The following PET117 variants were observed in gnomAD, a reference collection of about 807,000 sequenced individuals.
The protein encoded by PET117 is PET117 cytochrome c oxidase chaperone, also known as protein PET117 homolog, mitochondrial.
PET117 carries 10 observed loss-of-function variants against 9.2 expected under a neutral mutation model. The observed-to-expected ratio is 1.09, with a 90% confidence interval of 0.67 to 1.85. The LOEUF (loss-of-function observed/expected upper bound fraction) is 1.85, where lower values mean the gene tolerates loss of function less well. PET117 is among the 40% of genes most tolerant of loss of function. PET117 has a pLI of 0.00. For missense variants in PET117, 96 were observed against 98.2 expected, an observed-to-expected ratio of 0.98 and a Z score of 0.09; for synonymous variants, 43 against 37.1, an observed-to-expected ratio of 1.16 and a Z score of -0.57.
intron 1 of PET117, 197 bp downstream of exon 1, chr20:18,138,248 G>A (rs897566551): frequency 4.0e-6 from 5 of 1,240,780 alleles, no homozygotes; most frequent in Non-Finnish European, 5.0e-6. Context: ...CTCCCGGCGG[G>A]CGTGTGCAGC....
In PET117 at chr20:18,142,665, A is replaced by G; in HGVS notation, c.*308A>G. ...CGAGCTTGTGAGAAGGAAGGGATGG[A>G]TAGTAGCATCCACCTGAGTAGTCTG... On this transcript the variant is annotated 3_prime_UTR_variant, in exon 2 of 2. Transcript: ENST00000432901. The G allele has an allele frequency of 6.2e-7, 1 of 1,614,142 alleles. No homozygotes were observed. The highest frequency in any genetic ancestry group is 8.5e-7 in the Non-Finnish European group (1 of 1,180,016).
At chr20:18,140,201 G>A (rs184037310) in intron 1 of PET117, among the ~76,000 whole-genome samples, 3 of 152,066 alleles carry the variant, frequency 2.0e-5, no homozygotes, top group Admixed American at 6.5e-5. Context: ...GTATCGGTGT[G>A]TCATGGTGTA....
intron 1 of PET117, among the ~76,000 whole-genome samples, chr20:18,141,177 G>A (rs1049210933): frequency 7.2e-5 from 11 of 151,736 alleles, no homozygotes; most frequent in Middle Eastern, 3.4e-3. Context: ...GAGCCACCAC[G>A]CCTGGCCTAA....
intron 1 of PET117, 39 bp downstream of exon 1, chr20:18,138,090 G>C: frequency 6.9e-7 from 1 of 1,438,964 alleles, no homozygotes; most frequent in Middle Eastern, 1.8e-4. Context: ...GCCCGCGCGC[G>C]CGGCGTCGAC....
rs745851347 is a variant in PET117 at position 18,139,476 on chromosome 20, A to C, written c.96+1425A>C. On this transcript the variant is annotated intron_variant, in intron 1 of 1. Coordinates refer to ENST00000432901, the MANE Select transcript of PET117 (RefSeq NM_001164811.2). ...ACAATGTGACTAAGGCTTGGTCCCC[A>C]CCCCAGACCATTTAAACCAGAATCT... 1.1e-3 allele frequency among the ~76,000 whole-genome samples: 170 copies of C among 152,102 alleles called. 1 individual carries two copies. The highest frequency in any genetic ancestry group is 2.1e-3 in the Non-Finnish European group (144 of 68,004).
chr20:18,138,098 G>T (rs1360952946), intron 1 of PET117, 47 bp downstream of exon 1: 2 of 1,429,810 alleles, frequency 1.4e-6, no homozygotes, highest in East Asian at 5.9e-5. Flanking sequence ...GCGCGGCGTC[G>T]ACCTGGGGCC....
rs556576481 is a variant in PET117, at chr20:18,141,854, C to T, written c.97-354C>T. ...AGCTGCGGAGTGCAGCCACTGCACT[C>T]CAGCCTGGGCGACAGAGCGAGACTC... On this transcript the variant is annotated intron_variant, in intron 1 of 1. Transcript: ENST00000432901. Among the ~76,000 whole-genome samples, 49 of 152,184 alleles carry T rather than the reference C, an allele frequency of 3.2e-4. 1 individual carries two copies. Among genetic ancestry groups the T allele is most frequent in the African/African-American group, 1.1e-3 (47 of 41,530 alleles).
rs1249724655 is a variant in PET117, at chr20:18,142,694, A to G, written c.*337A>G. The G allele has an allele frequency of 2.5e-6, 4 of 1,614,082 alleles. No individual in the cohort carries two copies. Among genetic ancestry groups the G allele is most frequent in the Non-Finnish European group, 2.5e-6 (3 of 1,180,044 alleles). ...TAGCATCCACCTGAGTAGTCTGATC[A>G]GTCGGCATGATGACGAAGCCACGAG... On this transcript the variant is annotated 3_prime_UTR_variant, in exon 2 of 2. Transcript: ENST00000432901.
Position 18,142,483 on chromosome 20 carries a change from GA to G in PET117, c.*127del. 2 of 1,457,482 alleles carry G rather than the reference GA, an allele frequency of 1.4e-6. No individual in the cohort carries two copies. Among genetic ancestry groups the G allele is most frequent in the African/African-American group, 1.4e-5 (1 of 70,324 alleles). The allele number at this position is 1,457,482 out of a possible 1,614,324, so 90.3% of individuals were successfully genotyped here. On this transcript the variant is annotated 3_prime_UTR_variant, in exon 2 of 2. Transcript: ENST00000432901. ...TCCTTTTAAACTTGATCAAATAAAG[GA>G]CAGTGGGTCATATAAGTTACTGCTT...
intron 1 of PET117, among the ~76,000 whole-genome samples, chr20:18,141,879 CTT>C (rs1432771207): frequency 6.6e-6 from 1 of 151,928 alleles, no homozygotes; most frequent in Non-Finnish European, 1.5e-5. Flanking sequence ...GAGCGAGACT[CTT>C]GTCTCAAAAA....
intron 1 of PET117, among the ~76,000 whole-genome samples, chr20:18,139,903 T>A (rs2037464229): frequency 6.6e-6 from 1 of 152,142 alleles, no homozygotes; most frequent in Non-Finnish European, 1.5e-5. Flanking sequence ...TAGCAAAAAT[T>A]AAGCAGTGCT....
Position 18,138,044 on chromosome 20 carries a change from A to G in PET117, c.89A>G (p.Asp30Gly). The G allele has an allele frequency of 6.7e-7, 1 of 1,486,334 alleles. No individual in the cohort carries two copies. Among genetic ancestry groups the G allele is most frequent in the Admixed American group, 2.3e-5 (1 of 43,380 alleles). 92.1% of individuals were successfully genotyped at this position (1,486,334 alleles called of 1,614,324 possible). The change falls in exon 1 of 2, where the codon GAC (aspartate) becomes GGC (glycine). Residue 30 changes from aspartate (D) to glycine (G), a missense_variant. Physicochemically the swap from Asp to Gly is moderately conservative, Grantham distance 94 (BLOSUM62 -1). Transcript: ENST00000432901. ...GGCGTACATGTGAAGCAGCAGTGGG[A>G]CCAGCAGGTCGGTGTCACGTGACCG... ...VAGVHVKQQW[D>G]QQRLRDGVIR...
Position 18,137,985 on chromosome 20 carries a change from C to T in PET117, c.30C>T (p.Gly10=). The change falls in exon 1 of 2, where the codon GGC becomes GGT. Residue 10 remains glycine (G), a synonymous_variant. Transcript: ENST00000432901. ...CTAGGAGCTCGAAGGTGGTGCTGGG[C>T]CTCTCGGTGCTGCTGACGGCGGCCA... MSRSSKVVL[G]LSVLLTAATV... 2 of 1,506,222 alleles carry T rather than the reference C, an allele frequency of 1.3e-6. No homozygotes were observed. Among genetic ancestry groups the T allele is most frequent in the Non-Finnish European group, 1.8e-6 (2 of 1,134,320 alleles). The allele number at this position is 1,506,222 out of a possible 1,614,324, so 93.3% of individuals were successfully genotyped here. A position where few individuals can be genotyped will look rare whatever the true frequency, so the allele number is the denominator to read the frequency against.
chr20:18,138,222 G>C (rs2037373287), intron 1 of PET117, 171 bp downstream of exon 1: 3 of 1,259,706 alleles, frequency 2.4e-6, no homozygotes, highest in African/African-American at 3.1e-5. Flanking sequence ...GCTCTGCTGG[G>C]CTCCGGGCGC....
At position 18,142,692 on chromosome 20, in the gene PET117, TC is replaced by T; in HGVS notation, c.*336del. 6.2e-7 allele frequency: 1 copy of T among 1,614,140 alleles called. No individual in the cohort carries two copies. Among genetic ancestry groups the T allele is most frequent in the Non-Finnish European group, 8.5e-7 (1 of 1,180,032 alleles). ...AGTAGCATCCACCTGAGTAGTCTGATCAGTCGGCATGATGACGAAGCCACGA... is the reference window on the plus strand; with the variant it reads ...AGTAGCATCCACCTGAGTAGTCTGATAGTCGGCATGATGACGAAGCCACGA... On this transcript the variant is annotated 3_prime_UTR_variant, in exon 2 of 2. Coordinates refer to ENST00000432901, the MANE Select transcript of PET117 (RefSeq NM_001164811.2).
In PET117 at chr20:18,137,966, G is replaced by T; in HGVS notation, c.11G>T (p.Ser4Ile). 3 of 1,497,214 alleles carry T rather than the reference G, an allele frequency of 2.0e-6. No individual in the cohort carries two copies. The highest frequency in any genetic ancestry group is 2.7e-6 in the Non-Finnish European group (3 of 1,130,412). The allele number at this position is 1,497,214 out of a possible 1,614,324, so 92.7% of individuals were successfully genotyped here. A position where few individuals can be genotyped will look rare whatever the true frequency, so the allele number is the denominator to read the frequency against. Residue 4 changes from serine (S) to isoleucine (I), a missense_variant, in exon 1 of 2, where the codon AGC (serine) becomes ATC (isoleucine). Physicochemically the swap from Ser to Ile is moderately radical, Grantham distance 142. Coordinates refer to ENST00000432901, the MANE Select transcript of PET117 (RefSeq NM_001164811.2). ...GCCGCCAGCGTGGGGATGTCTAGGA[G>T]CTCGAAGGTGGTGCTGGGCCTCTCG... MSR[S>I]SKVVLGLSVL...
chr20:18,140,274 CAG>C (rs1189629340), intron 1 of PET117, among the ~76,000 whole-genome samples: 1 of 151,790 alleles, frequency 6.6e-6, no homozygotes, highest in Non-Finnish European at 1.5e-5. Flanking sequence ...GTTTTTGTCT[CAG>C]TGGTGATCTT....
chr20:18,138,465 G>A, intron 1 of PET117: 1 of 990,972 alleles, frequency 1.0e-6, no homozygotes, highest in Non-Finnish European at 1.2e-6. Flanking sequence ...AGTTTCTTGG[G>A]GTGCATTCTG....
At position 18,142,312 on chromosome 20, in the gene PET117, A is replaced by C; in HGVS notation, c.201A>C (p.Ala67=). Residue 67 remains alanine (A), a synonymous_variant, in exon 2 of 2, where the codon GCA becomes GCC. Transcript: ENST00000432901. ...TTATTTTGACTGAGCAACTTGAAGC[A>C]GAAAGAGAGAAGATGTTATTGGCAA... The part of the protein sequence containing the change: ...EQIILTEQLE[A]EREKMLLAKG... The C allele has an allele frequency of 6.5e-7, 1 of 1,537,056 alleles. No homozygotes were observed. Among genetic ancestry groups the C allele is most frequent in the Non-Finnish European group, 8.7e-7 (1 of 1,146,818 alleles).
Sources: allele counts gnomAD v4.1 joint callset (sites outside exome capture counted in the v4.1 genomes callset), GRCh38; gene constraint gnomAD v4.1.1; transcripts MANE v1.5; gene names NCBI Gene and HGNC (gene_info 2026-07-23, HGNC 2026-07-21).